PIAS1: variants seen among roughly 807,000 people sequenced by gnomAD.
The protein encoded by PIAS1 is protein inhibitor of activated STAT 1, also known as E3 SUMO-protein ligase PIAS1.
In PIAS1, 6 loss-of-function variants were observed where a neutral mutation model predicts 71.3. The ratio of observed to expected loss-of-function variants is 0.08; its 90% CI spans 0.05 to 0.17. The LOEUF is 0.17. Ranked by LOEUF, PIAS1 falls within the 10% of genes least tolerant of loss-of-function variation. The probability of loss-of-function intolerance (pLI) is 1.00; values close to 1 mark genes in which losing one functional copy is unlikely to be tolerated. For missense variants in PIAS1, 555 were observed against 793.6 expected, an observed-to-expected ratio of 0.70 and a Z score of 3.61; for synonymous variants, 303 against 292.9, an observed-to-expected ratio of 1.03 and a Z score of -0.35.
At chr15:68,102,344 G>A (rs2092434410) in intron 2 of PIAS1, among the ~76,000 whole-genome samples, 1 of 152,108 alleles carries the variant, frequency 6.6e-6, no homozygotes, top group African/African-American at 2.4e-5. Flanking sequence ...ATTACCACAT[G>A]GTCTTGATTA....
chr15:68,108,788 A>G (rs1002379182), intron 2 of PIAS1, among the ~76,000 whole-genome samples: 1 of 152,056 alleles, frequency 6.6e-6, no homozygotes, highest in African/African-American at 2.4e-5. Context: ...GTTATGTTCC[A>G]GTTTCATTAG....
intron 2 of PIAS1, among the ~76,000 whole-genome samples, chr15:68,108,837 A>G (rs887466750): frequency 1.3e-5 from 2 of 152,190 alleles, no homozygotes. Flanking sequence ...AAGTATATCT[A>G]GAATCTGACC....
chr15:68,062,476 T>C (rs534418593), intron 1 of PIAS1, among the ~76,000 whole-genome samples: 1 of 152,348 alleles, frequency 6.6e-6, no homozygotes, highest in Non-Finnish European at 1.5e-5. Context: ...TTCTAGAATA[T>C]TTTTTCACCT....
intron 2 of PIAS1, among the ~76,000 whole-genome samples, chr15:68,119,985 A>G (rs2141018909): frequency 6.6e-6 from 1 of 151,900 alleles, no homozygotes; most frequent in Non-Finnish European, 1.5e-5. Context: ...TTTTGTTTTT[A>G]TTTTTTAAAG....
At chr15:68,183,577 G>C in intron 12 of PIAS1, 53 bp from the exon 13 acceptor site, 1 of 742,996 alleles carries the variant, frequency 1.3e-6, no homozygotes, top group Non-Finnish European at 2.3e-6. Context: ...GGGGCATTTG[G>C]AAGAGTTTTT....
In PIAS1 at chr15:68,191,480, A is replaced by G. The variant is rs532335704; in HGVS notation, c.*3645A>G. 2 of 152,810 alleles carry G rather than the reference A, an allele frequency of 1.3e-5. No homozygotes were observed. The highest frequency in any genetic ancestry group is 4.8e-5 in the African/African-American group (2 of 41,592). 9.5% of individuals were successfully genotyped at this position (152,810 alleles called of 1,614,324 possible). A position where few individuals can be genotyped will look rare whatever the true frequency, so the allele number is the denominator to read the frequency against. On this transcript the variant is annotated 3_prime_UTR_variant, in exon 14 of 14. Transcript: ENST00000249636. ...CTTCAGTTAATTTGTCTTCTGTAAA[A>G]TAACACTGCTGGATGTTCAAGGGGA...
intron 4 of PIAS1, among the ~76,000 whole-genome samples, chr15:68,142,861 T>C (rs1009083274): frequency 6.6e-6 from 1 of 152,108 alleles, no homozygotes; most frequent in African/African-American, 2.4e-5. Flanking sequence ...TATTCTAATT[T>C]GTTTTGTTCT....
chr15:68,072,103 G>A (rs1350005081), intron 1 of PIAS1, among the ~76,000 whole-genome samples: 1 of 150,614 alleles, frequency 6.6e-6, no homozygotes, highest in African/African-American at 2.4e-5. Flanking sequence ...AGTAATAAGA[G>A]TTAATGGGAA....
chr15:68,146,558 A>G lies in PIAS1; in HGVS notation c.694-8A>G. 1.2e-6 allele frequency: 2 copies of G among 1,606,884 alleles called. No homozygotes were observed. The highest frequency in any genetic ancestry group is 2.2e-5 in the South Asian group (2 of 90,532). Reference sequence around the variant, plus strand: ...AATAAGTATAAATAAATTACATTTCATTTTTAGGGTTACCTTCCACCTACA... The same window carrying G: ...AATAAGTATAAATAAATTACATTTCGTTTTTAGGGTTACCTTCCACCTACA... On this transcript the variant is annotated splice_region_variant and splice_polypyrimidine_tract_variant and intron_variant, in intron 5 of 13. Coordinates refer to ENST00000249636, the MANE Select transcript of PIAS1 (RefSeq NM_016166.3).
At chr15:68,181,405 A>ATC in intron 12 of PIAS1, 51 bp downstream of exon 12, 1 of 1,556,652 alleles carries the variant, frequency 6.4e-7, no homozygotes, top group Non-Finnish European at 8.8e-7. Flanking sequence ...AATGCCTTTG[A>ATC]TCTATATAAT....
At chr15:68,175,421 C>T (rs993798926) in intron 9 of PIAS1, among the ~76,000 whole-genome samples, 3 of 152,090 alleles carry the variant, frequency 2.0e-5, no homozygotes, top group Non-Finnish European at 2.9e-5. Flanking sequence ...CTTTTGTTGA[C>T]GTTTTCTCAC....
chr15:68,064,989 C>T (rs1333794021), intron 1 of PIAS1, among the ~76,000 whole-genome samples: 1 of 152,108 alleles, frequency 6.6e-6, no homozygotes, highest in Admixed American at 6.5e-5. Flanking sequence ...CAGTGATCGC[C>T]TGCCTCGGCC....
chr15:68,129,664 A>G (rs2141029895), intron 2 of PIAS1, among the ~76,000 whole-genome samples: 1 of 152,266 alleles, frequency 6.6e-6, no homozygotes, highest in South Asian at 2.1e-4. Context: ...TTATTTTTAA[A>G]TTGTGTTTAT....
chr15:68,141,867 ATG>A (rs201408251), intron 2 of PIAS1, 77 bp from the exon 3 acceptor site: 1 of 748,226 alleles, frequency 1.3e-6, no homozygotes, highest in East Asian at 2.7e-5. Flanking sequence ...AATTAAAGAC[ATG>A]TGTGTTTTTT....
In PIAS1 at chr15:68,178,414, A is replaced by G. The variant is rs1008016464; in HGVS notation, c.1481+1760A>G. The stretch of plus-strand genomic sequence containing the variant: ...AGTGAATAATTTAAGCACAAATCCT[A>G]CTGTTATGAACATGACCTCTGATAA... On this transcript the variant is annotated intron_variant, in intron 11 of 13. Transcript: ENST00000249636. The surrounding 1 kb of genome is among the most constrained non-coding windows in gnomAD (Gnocchi z 4.2). Among the ~76,000 whole-genome samples the G allele has an allele frequency of 4.6e-5, 7 of 152,206 alleles. No individual in the cohort carries two copies. Among genetic ancestry groups the G allele is most frequent in the Non-Finnish European group, 8.8e-5 (6 of 68,036 alleles).
chr15:68,159,354 A>G (rs959888902), intron 7 of PIAS1, among the ~76,000 whole-genome samples: 1 of 152,082 alleles, frequency 6.6e-6, no homozygotes, highest in African/African-American at 2.4e-5. Flanking sequence ...TTCTTTTGAG[A>G]AAGTTTTTTA....
chr15:68,140,348 T>C (rs2092761898), intron 2 of PIAS1, among the ~76,000 whole-genome samples: 2 of 152,202 alleles, frequency 1.3e-5, no homozygotes, highest in Non-Finnish European at 2.9e-5. Context: ...TTAGGCTAAG[T>C]CTACTGGACT....
At chr15:68,108,895 C>G (rs2092497349) in intron 2 of PIAS1, among the ~76,000 whole-genome samples, 1 of 152,182 alleles carries the variant, frequency 6.6e-6, no homozygotes, top group Non-Finnish European at 1.5e-5. Context: ...CCACCATTAT[C>G]TCTCACCTGG....
intron 1 of PIAS1, among the ~76,000 whole-genome samples, chr15:68,077,486 A>T (rs1208693268): frequency 6.6e-6 from 1 of 152,210 alleles, no homozygotes; most frequent in Admixed American, 6.5e-5. Context: ...TTTTAGAGCC[A>T]TTGGGCGGAC....
Sources: allele counts gnomAD v4.1 joint callset (sites outside exome capture counted in the v4.1 genomes callset), GRCh38; gene constraint gnomAD v4.1.1; non-coding constraint Gnocchi (gnomAD v3.1); transcripts MANE v1.5; gene names NCBI Gene and HGNC (gene_info 2026-07-23, HGNC 2026-07-21).